ANKRD6: variants seen among roughly 807,000 people sequenced by gnomAD.
ANKRD6 encodes the protein ankyrin repeat domain 6.
Under a neutral mutation model 82.3 loss-of-function variants are expected in ANKRD6, and 56 were observed. That is an observed-to-expected ratio of 0.68 (90% CI 0.55 to 0.85). The LOEUF (loss-of-function observed/expected upper bound fraction) is 0.85. ANKRD6 is among the 40% of genes least tolerant of loss of function. The pLI is 0.00. For synonymous variants in ANKRD6, 347 were observed against 352.1 expected (o/e 0.99, Z 0.16); for missense variants, 852 against 907.6 (o/e 0.94, Z 0.79).
intron 1 of ANKRD6, among the ~76,000 whole-genome samples, chr6:89,500,073 G>A (rs1779094729): frequency 1.3e-5 from 2 of 151,928 alleles, no homozygotes; most frequent in Admixed American, 1.3e-4. Flanking sequence ...CCTGGGCTTG[G>A]GGTGATGTGA....
rs893998200 is a variant in ANKRD6 at position 89,448,890 on chromosome 6, C to T, written c.-144+15515C>T. Among the ~76,000 whole-genome samples the T allele has an allele frequency of 4.6e-5, 7 of 151,458 alleles. No homozygotes were observed. The East Asian group carries it at 9.7e-4, about 21-fold the overall frequency. ...CTAAAAATACAAAAAATTAGCCGGG[C>T]GTGTTGGCGGGCGCCTGTAGTCCCA... On this transcript the variant is annotated intron_variant, in intron 1 of 15. Coordinates refer to ENST00000339746, the MANE Select transcript of ANKRD6 (RefSeq NM_001242809.2).
intron 1 of ANKRD6, among the ~76,000 whole-genome samples, chr6:89,470,416 C>A (rs967025869): frequency 6.6e-6 from 1 of 152,116 alleles, no homozygotes; most frequent in African/African-American, 2.4e-5. Context: ...CCCAGAAATT[C>A]AAGATCAGCC....
intron 1 of ANKRD6, among the ~76,000 whole-genome samples, chr6:89,497,856 T>G (rs1208255565): frequency 6.6e-6 from 1 of 152,228 alleles, no homozygotes; most frequent in Non-Finnish European, 1.5e-5. Flanking sequence ...AGTTTCCTAA[T>G]GCCATTTAGT....
chr6:89,487,033 A>G (rs1777458331), intron 1 of ANKRD6, among the ~76,000 whole-genome samples: 1 of 152,194 alleles, frequency 6.6e-6, no homozygotes. Flanking sequence ...CACTGAAAGG[A>G]TGGTGCCGAA....
At chr6:89,570,874 C>T (rs1158704680) in intron 2 of ANKRD6, among the ~76,000 whole-genome samples, 1 of 152,158 alleles carries the variant, frequency 6.6e-6, no homozygotes, top group Non-Finnish European at 1.5e-5. Flanking sequence ...GGTGTTTGAG[C>T]CCTTGCTTTC....
intron 1 of ANKRD6, chr6:89,562,822 A>T (rs796469815): frequency 1.3e-5 from 2 of 152,242 alleles, no homozygotes; most frequent in Non-Finnish European, 2.9e-5. Flanking sequence ...GAAGCTAATG[A>T]TCTCTCCAGG....
intron 2 of ANKRD6, among the ~76,000 whole-genome samples, chr6:89,591,865 C>G (rs1328749472): frequency 6.6e-6 from 1 of 152,152 alleles, no homozygotes; most frequent in African/African-American, 2.4e-5. Flanking sequence ...AGAAAAGGAG[C>G]CAAGAATGTG....
At chr6:89,454,722 A>G (rs1441980983) in intron 1 of ANKRD6, among the ~76,000 whole-genome samples, 2 of 152,220 alleles carry the variant, frequency 1.3e-5, no homozygotes, top group African/African-American at 4.8e-5. Context: ...AGTGAAGACT[A>G]CCTGCATGAT....
rs1584032696 is a variant in ANKRD6 at position 89,631,017 on chromosome 6, G to A, written c.*13G>A. Reference sequence around the variant, plus strand: ...GAAGGAAAATTAGCACCAATAAAGAGGAAATATGAAAGGATTCTTGAAGAT... The same window carrying A: ...GAAGGAAAATTAGCACCAATAAAGAAGAAATATGAAAGGATTCTTGAAGAT... On this transcript the variant is annotated 3_prime_UTR_variant, in exon 16 of 16. Transcript: ENST00000339746. The A allele has an allele frequency of 1.3e-6, 2 of 1,489,790 alleles. No individual in the cohort carries two copies. The highest frequency in any genetic ancestry group is 1.8e-6 in the Non-Finnish European group (2 of 1,123,236). 92.3% of individuals were successfully genotyped at this position (1,489,790 alleles called of 1,614,324 possible). A position where few individuals can be genotyped will look rare whatever the true frequency, so the allele number is the denominator to read the frequency against.
rs879838408 is a variant in ANKRD6, at chr6:89,577,124, C to T, written c.120+10028C>T. 6.9e-4 allele frequency among the ~76,000 whole-genome samples: 105 copies of T among 151,844 alleles called. 1 individual carries two copies. The highest frequency in any genetic ancestry group is 4.1e-4 in the Non-Finnish European group (28 of 67,992). On this transcript the variant is annotated intron_variant, in intron 2 of 15. Coordinates refer to ENST00000339746, the MANE Select transcript of ANKRD6 (RefSeq NM_001242809.2). Reference sequence around the variant, plus strand: ...GTGCCCACACTGGAAGCTGCAGCCCCTCCTGAGGCCTGGTCCTCTTCCCAA... The same window carrying T: ...GTGCCCACACTGGAAGCTGCAGCCCTTCCTGAGGCCTGGTCCTCTTCCCAA...
intron 2 of ANKRD6, among the ~76,000 whole-genome samples, chr6:89,580,579 C>T (rs986430237): frequency 3.3e-5 from 5 of 152,164 alleles, no homozygotes; most frequent in African/African-American, 7.2e-5. Flanking sequence ...GGCTCTGCAC[C>T]GAGAGGCTCT....
intron 1 of ANKRD6, among the ~76,000 whole-genome samples, chr6:89,437,166 C>T (rs747808156): frequency 5.9e-5 from 9 of 152,110 alleles, no homozygotes; most frequent in Non-Finnish European, 1.2e-4. Context: ...GGTTAGTAAG[C>T]GCTATAAGGA....
intron 1 of ANKRD6, among the ~76,000 whole-genome samples, chr6:89,485,140 C>T (rs771780742): frequency 6.6e-5 from 10 of 152,214 alleles, no homozygotes; most frequent in Non-Finnish European, 1.3e-4. Flanking sequence ...ATCAATGACA[C>T]CCCTACGAGT....
In ANKRD6 at chr6:89,465,181, G is replaced by T. The variant is rs564369829; in HGVS notation, c.-144+31806G>T. ...GTGGCCCAGGCTGGAGTGCAGTGGA[G>T]CAATCTCGGCTCACAGCAACCTCTG... On this transcript the variant is annotated intron_variant, in intron 1 of 15. Coordinates refer to ENST00000339746, the MANE Select transcript of ANKRD6 (RefSeq NM_001242809.2). Among the ~76,000 whole-genome samples, 72 of 150,888 alleles carry T rather than the reference G, an allele frequency of 4.8e-4. 1 individual carries two copies. Among genetic ancestry groups the T allele is most frequent in the Non-Finnish European group, 1.3e-4 (9 of 67,800 alleles).
Position 89,606,083 on chromosome 6 carries a change from C to A in ANKRD6, c.395C>A (p.Ala132Asp). The A allele has an allele frequency of 6.3e-7, 1 of 1,577,970 alleles. No individual in the cohort carries two copies. Among genetic ancestry groups the A allele is most frequent in the Admixed American group, 1.8e-5 (1 of 55,258 alleles). The change falls in exon 5 of 16, where the codon GCC becomes GAC. Residue 132 changes from alanine to aspartate, a missense_variant. Physicochemically the swap from Ala to Asp is moderately radical, Grantham distance 126. Coordinates refer to ENST00000339746, the MANE Select transcript of ANKRD6 (RefSeq NM_001242809.2). ...QSAKLLIKAGANVLAKNKAGN... is the reference protein window; with the variant it reads ...QSAKLLIKAGDNVLAKNKAGN... ...GCCAAGCTGCTCATTAAAGCAGGAG[C>A]CAACGTGCTTGCCAAGAACAAGGTG...
At chr6:89,548,048 A>G (rs987109610) in intron 1 of ANKRD6, among the ~76,000 whole-genome samples, 7 of 152,222 alleles carry the variant, frequency 4.6e-5, no homozygotes, top group African/African-American at 1.7e-4. Flanking sequence ...AAATTGAGAT[A>G]TATTTTACAT....
At position 89,479,585 on chromosome 6, in the gene ANKRD6, TTTTTTTA is replaced by T. The variant is rs552904091; in HGVS notation, c.-144+46223_-144+46229del. 1.7e-3 allele frequency among the ~76,000 whole-genome samples: 263 copies of T among 150,674 alleles called. 5 individuals carry two copies. The South Asian group carries it at 0.04, about 23-fold the overall frequency. ...CTTTTTCCATAATTAGAATTATTTC[TTTTTTTA>T]TTTTTTATTTTTATTTATTTATTTA... is the stretch of plus-strand genomic sequence containing the variant. On this transcript the variant is annotated intron_variant, in intron 1 of 15. Transcript: ENST00000339746.
chr6:89,447,070 G>A (rs998704699), intron 1 of ANKRD6, among the ~76,000 whole-genome samples: 6 of 152,102 alleles, frequency 3.9e-5, no homozygotes, highest in Non-Finnish European at 7.3e-5. Flanking sequence ...ATACACCAAC[G>A]TAGTGAAATC....
rs1363134698 is a variant in ANKRD6 at position 89,628,789 on chromosome 6, C to A, written c.1486-323C>A. ...CCATCTCAAAAAACAAACAAACAAA[C>A]AAAAAAAAAAACTAATAGAGCAAGA... On this transcript the variant is annotated intron_variant, in intron 14 of 15. Coordinates refer to ENST00000339746, the MANE Select transcript of ANKRD6 (RefSeq NM_001242809.2). 220 of 232,504 alleles carry A rather than the reference C, an allele frequency of 9.5e-4. 2 individuals carry two copies. The highest frequency in any genetic ancestry group is 5.0e-3 in the South Asian group (91 of 18,180). 14.4% of individuals were successfully genotyped at this position (232,504 alleles called of 1,614,324 possible).
Sources: allele counts gnomAD v4.1 joint callset (sites outside exome capture counted in the v4.1 genomes callset), GRCh38; gene constraint gnomAD v4.1.1; transcripts MANE v1.5; gene names NCBI Gene and HGNC (gene_info 2026-07-23, HGNC 2026-07-21).